The following PHIP variants were observed in gnomAD, a reference collection of about 807,000 sequenced individuals.
PHIP encodes the protein PHIP subunit of CUL4-Ring ligase complex.
In PHIP, 54 loss-of-function variants were observed where a neutral mutation model predicts 236.8. The ratio of observed to expected loss-of-function variants is 0.23; its 90% confidence interval spans 0.18 to 0.29. The LOEUF (loss-of-function observed/expected upper bound fraction) is 0.29, where lower values mean the gene tolerates loss of function less well. PHIP is among the 10% of genes least tolerant of loss of function. The pLI is 1.00. For missense variants in PHIP, 1,370 were observed against 2,190.8 expected (o/e 0.63, Z 7.48); for synonymous variants, 756 against 718.9 (o/e 1.05, Z -0.83).
At chr6:79,075,092 C>T (rs1056320262) in intron 4 of PHIP, among the ~76,000 whole-genome samples, 23 of 151,934 alleles carry the variant, frequency 1.5e-4, no homozygotes, top group Non-Finnish European at 4.4e-5. Context: ...CTTTTTAAGT[C>T]AGAATAATTA....
At chr6:78,982,238 A>G (rs978916196) in intron 23 of PHIP, among the ~76,000 whole-genome samples, 3 of 152,064 alleles carry the variant, frequency 2.0e-5, no homozygotes, top group African/African-American at 7.2e-5. Context: ...ATGTTAAAGA[A>G]TTTCAACTCC....
At chr6:78,959,648 G>A (rs1582110477) in intron 31 of PHIP, among the ~76,000 whole-genome samples, 1 of 152,014 alleles carries the variant, frequency 6.6e-6, no homozygotes, top group Admixed American at 6.6e-5. Context: ...CATAACTTAG[G>A]TTTATAACAG....
At position 79,017,565 on chromosome 6, in the gene PHIP, G is replaced by A. The variant is rs145598333; in HGVS notation, c.1013C>T (p.Thr338Met). The A allele has an allele frequency of 1.5e-5, 24 of 1,611,164 alleles. No homozygotes were observed. The highest frequency in any genetic ancestry group is 4.5e-5 in the East Asian group (2 of 44,756). ...CCGAATAATATGATCTGTGCTTCCCGTCGCCAGAAACATTCCACCTATGAA... is the reference window on the plus strand; with the variant it reads ...CCGAATAATATGATCTGTGCTTCCCATCGCCAGAAACATTCCACCTATGAA... ...SFSAGGMFLATGSTDHIIRVY... is the reference protein window; with the variant it reads ...SFSAGGMFLAMGSTDHIIRVY... The change falls in exon 11 of 40, where the codon ACG becomes ATG. Residue 338 changes from threonine (T) to methionine (M), a missense_variant. By Grantham distance (81) the Thr-to-Met change is moderately conservative (BLOSUM62 -1). Coordinates refer to ENST00000275034, the MANE Select transcript of PHIP (RefSeq NM_017934.7).
At chr6:79,048,668 G>GT (rs1183467486) in intron 6 of PHIP, among the ~76,000 whole-genome samples, 1 of 152,028 alleles carries the variant, frequency 6.6e-6, no homozygotes, top group African/African-American at 2.4e-5. Context: ...AAAGGTTAGT[G>GT]TTTTTTGTTA....
At chr6:78,977,566 G>A (rs1335839543) in intron 24 of PHIP, among the ~76,000 whole-genome samples, 1 of 142,598 alleles carries the variant, frequency 7.0e-6, no homozygotes, top group Non-Finnish European at 1.6e-5. Flanking sequence ...TTTAAATGAT[G>A]GAATAGTGCT....
chr6:79,046,950 C>CA (rs1303912312), intron 6 of PHIP, among the ~76,000 whole-genome samples: 1 of 146,272 alleles, frequency 6.8e-6, no homozygotes, highest in East Asian at 2.0e-4. Flanking sequence ...TTAAAATATT[C>CA]AAAATATCTC....
intron 27 of PHIP, among the ~76,000 whole-genome samples, chr6:78,968,858 T>C (rs1486917952): frequency 6.6e-6 from 1 of 151,236 alleles, no homozygotes; most frequent in African/African-American, 2.5e-5. Flanking sequence ...AAAGACAAAC[T>C]TGTTAGATAA....
At chr6:79,046,786 G>C (rs1772512456) in intron 6 of PHIP, among the ~76,000 whole-genome samples, 1 of 151,650 alleles carries the variant, frequency 6.6e-6, no homozygotes, top group Non-Finnish European at 1.5e-5. Flanking sequence ...TGAGGCAGAA[G>C]AACAGCTTGA....
intron 35 of PHIP, among the ~76,000 whole-genome samples, chr6:78,951,864 C>T (rs1304554116): frequency 6.6e-6 from 1 of 152,150 alleles, no homozygotes; most frequent in African/African-American, 2.4e-5. Flanking sequence ...CCCATTGTGG[C>T]TTTGTCTATA....
At chr6:79,023,451 A>G (rs1771232365) in intron 9 of PHIP, among the ~76,000 whole-genome samples, 1 of 152,184 alleles carries the variant, frequency 6.6e-6, no homozygotes, top group African/African-American at 2.4e-5. Flanking sequence ...TTAAGGGACA[A>G]GAATAGGAAA....
chr6:78,994,284 C>T (rs1225370529), intron 19 of PHIP, among the ~76,000 whole-genome samples: 2 of 152,016 alleles, frequency 1.3e-5, no homozygotes, highest in African/African-American at 4.8e-5. Flanking sequence ...TTGTAGAAAA[C>T]TATATGAACT....
intron 3 of PHIP, 68 bp downstream of exon 3, chr6:79,077,632 A>G (rs1774243947): frequency 8.1e-6 from 7 of 869,030 alleles, no homozygotes; most frequent in Non-Finnish European, 6.8e-6. Context: ...CGGCGGCGGC[A>G]GCGGCGGCGC....
intron 27 of PHIP, among the ~76,000 whole-genome samples, chr6:78,969,557 T>C (rs1402423480): frequency 1.3e-5 from 2 of 152,192 alleles, no homozygotes; most frequent in African/African-American, 4.8e-5. Flanking sequence ...AAATTGTTAT[T>C]AATATTTTTA....
At chr6:79,028,735 G>A (rs1014294145) in intron 7 of PHIP, among the ~76,000 whole-genome samples, 1 of 152,264 alleles carries the variant, frequency 6.6e-6, no homozygotes, top group Non-Finnish European at 1.5e-5. Context: ...CACTACAGTA[G>A]GTAGACCATA....
intron 21 of PHIP, 117 bp from the exon 22 acceptor site, chr6:78,985,545 A>G (rs1405431760): frequency 2.8e-6 from 2 of 724,438 alleles, no homozygotes; most frequent in Admixed American, 2.0e-5. Flanking sequence ...TTAAAATTTG[A>G]TTTAAATTAG....
rs1773419462 is a variant in PHIP, at chr6:78,940,234, ATCTATCT to A, written c.*452_*458del. 1.3e-5 allele frequency: 2 copies of A among 152,010 alleles called. No homozygotes were observed. Among genetic ancestry groups the A allele is most frequent in the Admixed American group, 6.6e-5 (1 of 15,250 alleles). The allele number at this position is 152,010 out of a possible 1,614,324, so 9.4% of individuals were successfully genotyped here. A position where few individuals can be genotyped will look rare whatever the true frequency, so the allele number is the denominator to read the frequency against. Reference sequence around the variant, plus strand: ...TTAATTCACTGCTACTCTGTATAACATCTATCTTTTAGGGGCATGACTTGTATCAATA... The same window carrying A: ...TTAATTCACTGCTACTCTGTATAACATTTAGGGGCATGACTTGTATCAATA... On this transcript the variant is annotated 3_prime_UTR_variant, in exon 40 of 40. Transcript: ENST00000275034.
rs1773330585 is a variant in PHIP at position 78,937,789 on chromosome 6, T to C, written c.*2904A>G. ...TATCTATTGCCCAGGGCTGTGAGTC[T>C]CTGATTAGACTAAATATTTAAACTA... On this transcript the variant is annotated 3_prime_UTR_variant, in exon 40 of 40. Coordinates refer to ENST00000275034, the MANE Select transcript of PHIP (RefSeq NM_017934.7). The C allele has an allele frequency of 6.6e-6, 1 of 151,772 alleles. No homozygotes were observed. The highest frequency in any genetic ancestry group is 6.6e-5 in the Admixed American group (1 of 15,230). The allele number at this position is 151,772 out of a possible 1,614,324, so 9.4% of individuals were successfully genotyped here.
chr6:79,016,124 T>A (rs1021224533), intron 13 of PHIP, among the ~76,000 whole-genome samples: 1 of 151,920 alleles, frequency 6.6e-6, no homozygotes, highest in Admixed American at 6.6e-5. Context: ...TGCTTTCCCA[T>A]CCATCTGAGA....
chr6:79,035,820 G>A (rs184199652), intron 7 of PHIP, among the ~76,000 whole-genome samples: 3 of 152,126 alleles, frequency 2.0e-5, no homozygotes, highest in East Asian at 3.9e-4. Context: ...TTTTTTTCTA[G>A]GTCATTTATT....
Sources: gnomAD v4.1 joint callset for allele counts (sites outside exome capture counted in the v4.1 genomes callset) on GRCh38, gnomAD v4.1.1 for gene constraint, MANE v1.5 for transcripts, NCBI Gene and HGNC (gene_info 2026-07-23, HGNC 2026-07-21) for gene names.